THSD7A: variants seen among roughly 807,000 people sequenced by gnomAD.
The protein encoded by THSD7A is thrombospondin type-1 domain-containing protein 7A.
A neutral mutation model predicts 231.3 loss-of-function variants in THSD7A; 96 were observed. The observed-to-expected ratio is 0.41, with a 90% confidence interval of 0.35 to 0.49. THSD7A has a LOEUF of 0.49. Ranked by LOEUF, THSD7A falls within the 20% of genes least tolerant of loss-of-function variation. The pLI, the probability that THSD7A is intolerant of heterozygous loss-of-function variation, is 0.05. For missense variants in THSD7A, 2,290 were observed against 2,070.2 expected, an observed-to-expected ratio of 1.11 and a Z score of -2.06; for synonymous variants, 940 against 743.3, an observed-to-expected ratio of 1.26 and a Z score of -4.30.
chr7:11,792,508 C>T (rs1782319857), intron 1 of THSD7A, among the ~76,000 whole-genome samples: 1 of 151,846 alleles, frequency 6.6e-6, no homozygotes, highest in Admixed American at 6.6e-5. Flanking sequence ...AATCTAATCA[C>T]AGCTCCACCA....
intron 1 of THSD7A, among the ~76,000 whole-genome samples, chr7:11,776,969 A>G (rs1330129698): frequency 6.6e-6 from 1 of 152,156 alleles, no homozygotes; most frequent in African/African-American, 2.4e-5. Context: ...ATCAACTGTA[A>G]CCATTGTACG....
At chr7:11,389,084 T>C (rs757513965) in intron 23 of THSD7A, among the ~76,000 whole-genome samples, 44 of 152,092 alleles carry the variant, frequency 2.9e-4, no homozygotes, top group Non-Finnish European at 7.4e-5. Context: ...ATTCTGTTGA[T>C]TTGGGGTGGA....
In THSD7A at chr7:11,644,821, C is replaced by G. The variant is rs148173519; in HGVS notation, c.191-7860G>C. Among the ~76,000 whole-genome samples the G allele has an allele frequency of 7.4e-3, 1,132 of 152,054 alleles. 11 individuals are homozygous for G. The highest frequency in any genetic ancestry group is 0.026 in the African/African-American group (1,066 of 41,544). ...CCTCATTTTAAAAATACGATATCCT[C>G]TCATAACACTACCTGACCCATAAGC... On this transcript the variant is annotated intron_variant, in intron 1 of 27. Transcript: ENST00000423059.
rs532454403 is a variant in THSD7A, at chr7:11,504,428, T to C, written c.1823-22446A>G. On this transcript the variant is annotated intron_variant, in intron 6 of 27. Transcript: ENST00000423059. ...AACCTAATAATGTGTACAACAAAAGTCTGTGACATGTTTGTCTATATAACA... is the reference window on the plus strand; with the variant it reads ...AACCTAATAATGTGTACAACAAAAGCCTGTGACATGTTTGTCTATATAACA... 1.2e-4 allele frequency among the ~76,000 whole-genome samples: 18 copies of C among 152,250 alleles called. No individual in the cohort carries two copies. In the South Asian group the frequency reaches 3.7e-3, roughly 32 times the overall value.
At chr7:11,455,865 C>T (rs1039850298) in intron 11 of THSD7A, among the ~76,000 whole-genome samples, 13 of 151,870 alleles carry the variant, frequency 8.6e-5, no homozygotes, top group African/African-American at 2.7e-4. Context: ...AATTGCTTCC[C>T]AAATCTTTTG....
At chr7:11,720,434 A>G (rs1781309382) in intron 1 of THSD7A, among the ~76,000 whole-genome samples, 1 of 151,706 alleles carries the variant, frequency 6.6e-6, no homozygotes, top group African/African-American at 2.4e-5. Flanking sequence ...TTTATTGATG[A>G]TCACCATTCC....
intron 7 of THSD7A, among the ~76,000 whole-genome samples, chr7:11,481,069 T>C (rs1433579326): frequency 1.3e-5 from 2 of 152,154 alleles, no homozygotes. Flanking sequence ...AGATTAAGTA[T>C]GACATTATAT....
At chr7:11,524,014 A>G (rs1788374075) in intron 6 of THSD7A, among the ~76,000 whole-genome samples, 1 of 152,176 alleles carries the variant, frequency 6.6e-6, no homozygotes, top group Non-Finnish European at 1.5e-5. Flanking sequence ...TTTTCTATGT[A>G]AAAGTTTCTA....
intron 11 of THSD7A, 82 bp from the exon 12 acceptor site, chr7:11,447,506 TA>T: frequency 1.6e-6 from 2 of 1,259,452 alleles, no homozygotes; most frequent in Non-Finnish European, 2.1e-6. Context: ...AACATTTGGT[TA>T]AGCAGTCAGA....
chr7:11,619,133 A>G (rs1183887126), intron 2 of THSD7A, among the ~76,000 whole-genome samples: 1 of 152,078 alleles, frequency 6.6e-6, no homozygotes, highest in East Asian at 1.9e-4. Context: ...ATAAAGAATT[A>G]TCAGCAAATA....
Position 11,388,084 on chromosome 7 carries a change from G to A in THSD7A, c.4412-5468C>T, listed in dbSNP as rs572163948. Among the ~76,000 whole-genome samples, 24 of 152,198 alleles carry A rather than the reference G, an allele frequency of 1.6e-4. No individual in the cohort carries two copies. In the South Asian group the frequency reaches 5.0e-3, roughly 32 times the overall value. ...TTGTGGTAGATAAGCTTTTTGATGTGCTACTGGATTCAGTTTGCCAGTATT... is the reference window on the plus strand; with the variant it reads ...TTGTGGTAGATAAGCTTTTTGATGTACTACTGGATTCAGTTTGCCAGTATT... On this transcript the variant is annotated intron_variant, in intron 23 of 27. Coordinates refer to ENST00000423059, the MANE Select transcript of THSD7A (RefSeq NM_015204.3).
chr7:11,752,851 G>A (rs949660437), intron 1 of THSD7A, among the ~76,000 whole-genome samples: 4 of 152,134 alleles, frequency 2.6e-5, no homozygotes, highest in East Asian at 1.9e-4. Context: ...GCTTGAGGCC[G>A]AGAGGTCAAG....
At position 11,636,823 on chromosome 7, in the gene THSD7A, T is replaced by C. The variant is rs369762690; in HGVS notation, c.329A>G (p.Asn110Ser). 16 of 1,613,802 alleles carry C rather than the reference T, an allele frequency of 9.9e-6. No homozygotes were observed. The African/African-American group carries it at 1.7e-4, about 18-fold the overall frequency. The change falls in exon 2 of 28, where the codon AAT becomes AGT. Residue 110 changes from asparagine to serine, a missense_variant. Physicochemically the swap from Asn to Ser is conservative, Grantham distance 46 (BLOSUM62 1). Coordinates refer to ENST00000423059, the MANE Select transcript of THSD7A (RefSeq NM_015204.3). The surrounding 1 kb of genome is among the most constrained non-coding windows in gnomAD (Gnocchi z 10.0). ...GTGCCAATCGCAAACTTTGAAACAA[T>C]TCTGCTGGTTATTGGGTCTCTCGGC... Reference protein sequence around the residue: ...KQAERPNNQQNCFKVCDWHKE... With the variant: ...KQAERPNNQQSCFKVCDWHKE...
intron 1 of THSD7A, among the ~76,000 whole-genome samples, chr7:11,689,647 G>A (rs566592639): frequency 6.6e-6 from 1 of 151,648 alleles, no homozygotes; most frequent in South Asian, 2.1e-4. Context: ...AAATGGAAAT[G>A]CCATTCCCAG....
rs1352333287 is a variant in THSD7A at position 11,618,268 on chromosome 7, A to C, written c.1022+17862T>G. Among the ~76,000 whole-genome samples, 5 of 152,334 alleles carry C rather than the reference A, an allele frequency of 3.3e-5. No homozygotes were observed. In the South Asian group the frequency reaches 8.3e-4, roughly 25 times the overall value. ...GAGGGGTTTCTACAGGGTTTTATTT[A>C]GTCAAAAATAAGATGCAGATGTATA... On this transcript the variant is annotated intron_variant, in intron 2 of 27. Transcript: ENST00000423059.
At chr7:11,607,406 G>C (rs1780769544) in intron 2 of THSD7A, among the ~76,000 whole-genome samples, 2 of 152,012 alleles carry the variant, frequency 1.3e-5, no homozygotes, top group African/African-American at 4.8e-5. Context: ...CTGTCCCACA[G>C]TTTTTCCATA....
intron 1 of THSD7A, among the ~76,000 whole-genome samples, chr7:11,711,227 A>G (rs1162320014): frequency 6.6e-6 from 1 of 150,874 alleles, no homozygotes; most frequent in Non-Finnish European, 1.5e-5. Flanking sequence ...GAGTCATTTC[A>G]AGTCATAGGT....
At chr7:11,471,188 A>T (rs1419343372) in intron 8 of THSD7A, among the ~76,000 whole-genome samples, 2 of 151,982 alleles carry the variant, frequency 1.3e-5, no homozygotes, top group African/African-American at 4.8e-5. Context: ...TTCCTAAGCA[A>T]TTCTCTTTTG....
chr7:11,765,135 T>G (rs1456664841), intron 1 of THSD7A, among the ~76,000 whole-genome samples: 1 of 152,148 alleles, frequency 6.6e-6, no homozygotes, highest in African/African-American at 2.4e-5. Context: ...CTGGAAAATG[T>G]GTAAATAAGG....
Sources: gnomAD v4.1 joint callset for allele counts (sites outside exome capture counted in the v4.1 genomes callset) on GRCh38, gnomAD v4.1.1 for gene constraint, Gnocchi (gnomAD v3.1) non-coding constraint, MANE v1.5 for transcripts, NCBI Gene and HGNC (gene_info 2026-07-23, HGNC 2026-07-21) for gene names.